The following TRPM7 variants were observed in gnomAD, a reference collection of about 807,000 sequenced individuals.
The protein encoded by TRPM7 is LTRPC ion channel family member 7.
TRPM7 carries 134 observed loss-of-function variants against 229.7 expected under a neutral mutation model. The observed-to-expected ratio is 0.58, with a 90% CI of 0.51 to 0.67. The LOEUF is 0.67. TRPM7 is among the 30% of genes least tolerant of loss of function. The pLI is 0.00. For synonymous variants in TRPM7, 699 were observed against 715.2 expected (o/e 0.98, Z 0.36); for missense variants, 1,901 against 2,210.0 (o/e 0.86, Z 2.80).
chr15:50,682,299 C>T (rs7178070), intron 1 of TRPM7, among the ~76,000 whole-genome samples: 81,244 of 151,128 alleles, frequency 0.54, 22,029 homozygotes, highest in Admixed American at 0.61. Context: ...TTCTAAAACC[C>T]CTACGTGGAC....
intron 22 of TRPM7, among the ~76,000 whole-genome samples, chr15:50,598,063 T>C (rs1363476097): frequency 6.6e-6 from 1 of 152,206 alleles, no homozygotes; most frequent in Non-Finnish European, 1.5e-5. Context: ...AAATTTTCTA[T>C]GTGGCCACCC....
chr15:50,576,342 T>C (rs72740425), intron 31 of TRPM7, among the ~76,000 whole-genome samples: 1 of 151,902 alleles, frequency 6.6e-6, no homozygotes, highest in African/African-American at 2.4e-5. Context: ...CCCCATCTTT[T>C]TGTGTGTGTG....
intron 27 of TRPM7, among the ~76,000 whole-genome samples, chr15:50,588,856 A>G (rs1466787946): frequency 6.6e-6 from 1 of 152,212 alleles, no homozygotes; most frequent in East Asian, 1.9e-4. Context: ...AACTTATTTA[A>G]CAAACATTTA....
rs755433337 is a variant in TRPM7 at position 50,585,050 on chromosome 15, A to ATTTTTTT, written c.4486+1335_4486+1341dup. Among the ~76,000 whole-genome samples the ATTTTTTT allele has an allele frequency of 1.4e-4, 13 of 95,052 alleles. 1 individual carries two copies. Among genetic ancestry groups the ATTTTTTT allele is most frequent in the East Asian group, 3.0e-4 (1 of 3,286 alleles). The allele number at this position is 95,052 out of a possible 152,430, so 62.4% of individuals were successfully genotyped here. A position where few individuals can be genotyped will look rare whatever the true frequency, so the allele number is the denominator to read the frequency against. On this transcript the variant is annotated intron_variant, in intron 28 of 38. Coordinates refer to ENST00000646667, the MANE Select transcript of TRPM7 (RefSeq NM_017672.6). ...GCCACCACATCTAGCTAATTTTTGT[A>ATTTTTTT]TTTTTTTTTTTTTTTTTTTTTTGAG...
In TRPM7 at chr15:50,619,201, A is replaced by G. The variant is rs531342351; in HGVS notation, c.1494+544T>C. On this transcript the variant is annotated intron_variant, in intron 13 of 38. Transcript: ENST00000646667. Reference sequence around the variant, plus strand: ...ACATCATATTCTATCTTGGATGACCAGAAGCTCAACAGCTTTTTTTTCTTT... The same window carrying G: ...ACATCATATTCTATCTTGGATGACCGGAAGCTCAACAGCTTTTTTTTCTTT... 7.2e-5 allele frequency among the ~76,000 whole-genome samples: 11 copies of G among 151,854 alleles called. No individual in the cohort carries two copies. The East Asian group carries it at 1.9e-3, about 27-fold the overall frequency.
At chr15:50,567,270 G>A (rs920487691) in intron 38 of TRPM7, among the ~76,000 whole-genome samples, 6 of 151,926 alleles carry the variant, frequency 3.9e-5, no homozygotes, top group Non-Finnish European at 5.9e-5. Context: ...TTGGTGTGCT[G>A]CACCCATCAA....
At chr15:50,576,833 C>T (rs982786862) in intron 31 of TRPM7, among the ~76,000 whole-genome samples, 2 of 152,194 alleles carry the variant, frequency 1.3e-5, no homozygotes, top group Non-Finnish European at 2.9e-5. Flanking sequence ...AGGCCAGGCA[C>T]AGTGGCTCAC....
At chr15:50,631,516 A>G in intron 9 of TRPM7, 27 bp from the exon 10 acceptor site, 1 of 1,469,394 alleles carries the variant, frequency 6.8e-7, no homozygotes, top group Non-Finnish European at 9.4e-7. Context: ...TTATAACATT[A>G]TGCCTTTATA....
At chr15:50,637,294 T>TG (rs141987042) in intron 7 of TRPM7, 128 bp downstream of exon 7, 310,837 of 809,250 alleles carry the variant, frequency 0.38, 64,349 homozygotes, top group Admixed American at 0.48. Context: ...CAACCACTGT[T>TG]GGTTGTTTCA....
chr15:50,600,347 G>C (rs1259022128), intron 21 of TRPM7, among the ~76,000 whole-genome samples: 1 of 151,086 alleles, frequency 6.6e-6, no homozygotes, highest in Non-Finnish European at 1.5e-5. Context: ...TGAGGCAGGA[G>C]AATCACTTGA....
rs1331528198 is a variant in TRPM7 at position 50,560,658 on chromosome 15, G to GC, written c.*1019dup. The GC allele has an allele frequency of 1.3e-5, 2 of 152,592 alleles. No individual in the cohort carries two copies. Among genetic ancestry groups the GC allele is most frequent in the Non-Finnish European group, 2.9e-5 (2 of 68,028 alleles). 9.5% of individuals were successfully genotyped at this position (152,592 alleles called of 1,614,324 possible). A position where few individuals can be genotyped will look rare whatever the true frequency, so the allele number is the denominator to read the frequency against. Reference sequence around the variant, plus strand: ...CATTTTATTGGCATAAGGTTGCACTGCAATCTGCCAGTATCACATAATGAT... The same window carrying GC: ...CATTTTATTGGCATAAGGTTGCACTGCCAATCTGCCAGTATCACATAATGAT... On this transcript the variant is annotated 3_prime_UTR_variant, in exon 39 of 39. Transcript: ENST00000646667.
At chr15:50,587,706 CAG>C (rs1357011451) in intron 27 of TRPM7, among the ~76,000 whole-genome samples, 4 of 152,040 alleles carry the variant, frequency 2.6e-5, no homozygotes, top group Admixed American at 6.5e-5. Flanking sequence ...ATGATACCAC[CAG>C]AGTGTGGCAA....
intron 19 of TRPM7, among the ~76,000 whole-genome samples, chr15:50,607,772 C>T (rs1023005217): frequency 6.6e-6 from 1 of 151,664 alleles, no homozygotes; most frequent in Non-Finnish European, 1.5e-5. Flanking sequence ...TGGGGCACGC[C>T]GCGGTGGCTC....
intron 1 of TRPM7, among the ~76,000 whole-genome samples, chr15:50,676,264 C>T (rs1039396857): frequency 1.3e-5 from 2 of 152,090 alleles, no homozygotes; most frequent in Non-Finnish European, 2.9e-5. Context: ...TTAAAGATTC[C>T]TAAAAAATTC....
At chr15:50,587,460 G>T (rs1374383197) in intron 27 of TRPM7, among the ~76,000 whole-genome samples, 1 of 100,936 alleles carries the variant, frequency 9.9e-6, no homozygotes, top group African/African-American at 3.9e-5. Flanking sequence ...AAAAAAAGTT[G>T]TTTAAATCAA....
intron 28 of TRPM7, among the ~76,000 whole-genome samples, chr15:50,586,078 ATAAG>A (rs1426302437): frequency 9.8e-5 from 15 of 152,322 alleles, no homozygotes; most frequent in Admixed American, 9.2e-4. Context: ...AATATGTTGA[ATAAG>A]TGATGATACA....
intron 3 of TRPM7, among the ~76,000 whole-genome samples, chr15:50,655,863 G>A (rs1245977912): frequency 1.3e-5 from 2 of 152,074 alleles, no homozygotes; most frequent in Non-Finnish European, 2.9e-5. Flanking sequence ...GGTGGTGTGT[G>A]CCTGTAATCC....
rs1399128710 is a variant in TRPM7 at position 50,574,932 on chromosome 15, T to C, written c.4939A>G (p.Ile1647Val). ...ACCACCTCTGGAAGAAAAGATTTGATAATATAAAGATGCCCTGATTTGAGG... is the reference window on the plus strand; with the variant it reads ...ACCACCTCTGGAAGAAAAGATTTGACAATATAAAGATGCCCTGATTTGAGG... Reference protein sequence around the residue: ...DILKSGHLYIIKSFLPEVVNT... With the variant: ...DILKSGHLYIVKSFLPEVVNT... Residue 1647 changes from isoleucine (I) to valine (V), a missense_variant, in exon 34 of 39, where the codon ATC (isoleucine) becomes GTC (valine). Around this residue, in one of 8 missense-constraint regions of TRPM7, gnomAD observed 257 missense variants for 352.0 expected, o/e 0.73. Transcript: ENST00000646667. The C allele has an allele frequency of 1.2e-6, 2 of 1,613,942 alleles. No homozygotes were observed. The highest frequency in any genetic ancestry group is 1.7e-6 in the Non-Finnish European group (2 of 1,179,952).
At chr15:50,642,570 C>G (rs923094036) in intron 5 of TRPM7, among the ~76,000 whole-genome samples, 1 of 152,154 alleles carries the variant, frequency 6.6e-6, no homozygotes, top group Non-Finnish European at 1.5e-5. Flanking sequence ...GCTCTTCCCT[C>G]TTCGCGTGGC....
Sources: allele counts gnomAD v4.1 joint callset (sites outside exome capture counted in the v4.1 genomes callset), GRCh38; gene constraint gnomAD v4.1.1; regional missense constraint gnomAD v4.1.1; transcripts MANE v1.5; gene names NCBI Gene and HGNC (gene_info 2026-07-23, HGNC 2026-07-21).